PDS5B: variants seen among roughly 807,000 people sequenced by gnomAD.
The protein encoded by PDS5B is sister chromatid cohesion protein PDS5 homolog B.
A neutral mutation model predicts 184.1 loss-of-function variants in PDS5B; 51 were observed. The observed-to-expected ratio is 0.28, with a 90% CI of 0.22 to 0.35. The LOEUF (loss-of-function observed/expected upper bound fraction) is 0.35, where lower values mean the gene tolerates loss of function less well. Ranked by LOEUF, PDS5B falls within the 10% of genes least tolerant of loss-of-function variation. The probability of loss-of-function intolerance (pLI) is 1.00; values close to 1 mark genes in which losing one functional copy is unlikely to be tolerated. For missense variants in PDS5B, 1,180 were observed against 1,723.3 expected, an observed-to-expected ratio of 0.68 and a Z score of 5.58; for synonymous variants, 566 against 569.2, an observed-to-expected ratio of 0.99 and a Z score of 0.08.
intron 6 of PDS5B, among the ~76,000 whole-genome samples, chr13:32,666,681 T>C (rs1950806458): frequency 6.6e-6 from 1 of 152,162 alleles, no homozygotes; most frequent in South Asian, 2.1e-4. Flanking sequence ...AGGTGTGTTA[T>C]ACATGTACAG....
chr13:32,620,656 CAA>C (rs376008300), intron 1 of PDS5B, among the ~76,000 whole-genome samples: 130 of 92,350 alleles, frequency 1.4e-3, no homozygotes, highest in Middle Eastern at 5.1e-3. Context: ...GACTCCGTCT[CAA>C]AAAAAAAAAA....
chr13:32,602,994 G>A (rs1319293980), intron 1 of PDS5B, among the ~76,000 whole-genome samples: 1 of 152,134 alleles, frequency 6.6e-6, no homozygotes, highest in Non-Finnish European at 1.5e-5. Context: ...CTGGATATTA[G>A]CCCTTTGTCA....
At chr13:32,750,975 A>C (rs1953962260) in intron 24 of PDS5B, among the ~76,000 whole-genome samples, 1 of 151,994 alleles carries the variant, frequency 6.6e-6, no homozygotes, top group Admixed American at 6.6e-5. Context: ...AGATTATTTC[A>C]TCACACAGGT....
chr13:32,775,197 C>A lies in PDS5B; in HGVS notation c.*145C>A. 1.5e-6 allele frequency: 1 copy of A among 676,758 alleles called. No individual in the cohort carries two copies. Among genetic ancestry groups the A allele is most frequent in the South Asian group, 1.9e-5 (1 of 53,460 alleles). The allele number at this position is 676,758 out of a possible 1,614,324, so 41.9% of individuals were successfully genotyped here. A position where few individuals can be genotyped will look rare whatever the true frequency, so the allele number is the denominator to read the frequency against. The stretch of plus-strand genomic sequence containing the variant: ...ACAGTTGGACCTTACTTTGGTGACC[C>A]CATACATTTGTGGTCACATGCTTTA... On this transcript the variant is annotated 3_prime_UTR_variant, in exon 35 of 35. Coordinates refer to ENST00000315596, the MANE Select transcript of PDS5B (RefSeq NM_015032.4).
chr13:32,755,883 A>T lies in PDS5B; in HGVS notation c.2983A>T (p.Thr995Ser). Residue 995 changes from threonine (T) to serine (S), a missense_variant, in exon 26 of 35, where the codon ACA becomes TCA. Coordinates refer to ENST00000315596, the MANE Select transcript of PDS5B (RefSeq NM_015032.4). The part of the protein sequence containing the change: ...SLLPEYVVPY[T>S]IHLLAHDPDY... ...TCTACCAGAGTATGTTGTTCCATAT[A>T]CAATTCACCTTTTGGCACATGACCC... The T allele has an allele frequency of 6.4e-7, 1 of 1,574,028 alleles. No homozygotes were observed. The highest frequency in any genetic ancestry group is 8.7e-7 in the Non-Finnish European group (1 of 1,149,794).
chr13:32,722,866 A>T (rs879342581), intron 19 of PDS5B, among the ~76,000 whole-genome samples: 1 of 152,216 alleles, frequency 6.6e-6, no homozygotes, highest in Non-Finnish European at 1.5e-5. Context: ...GGGAGCAGTG[A>T]AACTACTGCT....
intron 1 of PDS5B, among the ~76,000 whole-genome samples, chr13:32,617,128 C>T (rs531456585): frequency 2.6e-5 from 4 of 152,266 alleles, no homozygotes; most frequent in South Asian, 2.1e-4. Context: ...TTCTGAGCTA[C>T]GGTCAGACCA....
At position 32,678,825 on chromosome 13, in the gene PDS5B, AT is replaced by A; in HGVS notation, c.963-6del. On this transcript the variant is annotated splice_polypyrimidine_tract_variant and intron_variant, in intron 9 of 34. Coordinates refer to ENST00000315596, the MANE Select transcript of PDS5B (RefSeq NM_015032.4). ...TTTGAAGCTCACTCTGTGCTTTTAT[AT>A]TTTATCAGGTTTAATGATATCCATG... 1 of 1,480,214 alleles carries A rather than the reference AT, an allele frequency of 6.8e-7. No individual in the cohort carries two copies. Among genetic ancestry groups the A allele is most frequent in the Non-Finnish European group, 9.4e-7 (1 of 1,058,630 alleles). 91.7% of individuals were successfully genotyped at this position (1,480,214 alleles called of 1,614,324 possible).
intron 1 of PDS5B, among the ~76,000 whole-genome samples, chr13:32,586,915 C>T (rs1347213814): frequency 7.3e-6 from 1 of 137,506 alleles, no homozygotes; most frequent in African/African-American, 2.6e-5. Context: ...TGATCCCGGC[C>T]GGGGCGGCGG....
chr13:32,762,314 A>G (rs1954433649), intron 30 of PDS5B, among the ~76,000 whole-genome samples: 1 of 152,166 alleles, frequency 6.6e-6, no homozygotes, highest in Non-Finnish European at 1.5e-5. Flanking sequence ...TGTCTTTTTC[A>G]TTGTTGATAA....
chr13:32,698,268 T>C (rs905322900), intron 15 of PDS5B, among the ~76,000 whole-genome samples: 3 of 152,154 alleles, frequency 2.0e-5, no homozygotes, highest in Non-Finnish European at 4.4e-5. Context: ...TAGGCCTTAT[T>C]GTAGCCTTTA....
chr13:32,715,043 C>A (rs1310707006), intron 19 of PDS5B, among the ~76,000 whole-genome samples: 2 of 152,196 alleles, frequency 1.3e-5, no homozygotes, highest in African/African-American at 4.8e-5. Flanking sequence ...TCCATGAAAC[C>A]TTTACAATCC....
chr13:32,692,154 A>T (rs375484431), intron 13 of PDS5B, among the ~76,000 whole-genome samples: 2 of 152,088 alleles, frequency 1.3e-5, no homozygotes, highest in African/African-American at 4.8e-5. Context: ...TTATTTGTTG[A>T]AAGAGCCATA....
At chr13:32,739,196 A>G (rs1953451322) in intron 21 of PDS5B, among the ~76,000 whole-genome samples, 1 of 150,892 alleles carries the variant, frequency 6.6e-6, no homozygotes, top group African/African-American at 2.4e-5. Context: ...TGATATAAGG[A>G]TTTCATTTTT....
chr13:32,746,126 CT>C, intron 24 of PDS5B, 26 bp downstream of exon 24: 1 of 1,592,960 alleles, frequency 6.3e-7, no homozygotes. Flanking sequence ...TGTACAACTA[CT>C]TTTTGAAGGT....
intron 17 of PDS5B, among the ~76,000 whole-genome samples, chr13:32,702,161 G>A (rs1482623984): frequency 6.6e-6 from 1 of 152,094 alleles, no homozygotes; most frequent in African/African-American, 2.4e-5. Context: ...TAATACTAAT[G>A]ATTTTTTCAT....
chr13:32,734,409 A>ATAT (rs1314459354), intron 20 of PDS5B, among the ~76,000 whole-genome samples: 35 of 152,328 alleles, frequency 2.3e-4, no homozygotes, highest in African/African-American at 7.9e-4. Flanking sequence ...GGTAAAATGC[A>ATAT]TATTAATGGT....
At chr13:32,739,468 G>T (rs1462107377) in intron 21 of PDS5B, among the ~76,000 whole-genome samples, 2 of 152,122 alleles carry the variant, frequency 1.3e-5, no homozygotes, top group Non-Finnish European at 2.9e-5. Context: ...GATTGATAAG[G>T]TGAATTATTT....
rs1158019592 is a variant in PDS5B at position 32,701,425 on chromosome 13, A to G, written c.1843A>G (p.Thr615Ala). The G allele has an allele frequency of 1.3e-6, 2 of 1,574,592 alleles. No individual in the cohort carries two copies. Among genetic ancestry groups the G allele is most frequent in the South Asian group, 1.1e-5 (1 of 89,278 alleles). ...GAGGATAGCACCTGTGCACATAGAT[A>G]CCGAATCTATCAGGTATTTGTATAT... ...LERIAPVHIDTESISALIKQV... is the reference protein window; with the variant it reads ...LERIAPVHIDAESISALIKQV... The change falls in exon 17 of 35, where the codon ACC becomes GCC. Residue 615 changes from threonine to alanine, a missense_variant. Coordinates refer to ENST00000315596, the MANE Select transcript of PDS5B (RefSeq NM_015032.4).
Sources: gnomAD v4.1 joint callset for allele counts (sites outside exome capture counted in the v4.1 genomes callset) on GRCh38, gnomAD v4.1.1 for gene constraint, MANE v1.5 for transcripts, NCBI Gene and HGNC (gene_info 2026-07-23, HGNC 2026-07-21) for gene names.